Variants in ARL15 observed in about 807,000 individuals in gnomAD.
ARL15 encodes the protein ADP-ribosylation factor-like protein 15.
ARL15 carries 19 observed loss-of-function variants against 25.2 expected under a neutral mutation model. That is an observed-to-expected ratio of 0.75 (90% CI 0.53 to 1.10). The LOEUF is 1.10. ARL15 is among the 50% of genes least tolerant of loss of function. ARL15 has a pLI of 0.00. For missense variants in ARL15, 220 were observed against 246.0 expected (o/e 0.89, Z 0.71); for synonymous variants, 94 against 86.8 (o/e 1.08, Z -0.46).
intron 1 of ARL15, among the ~76,000 whole-genome samples, chr5:54,300,857 G>A (rs770288046): frequency 2.0e-5 from 3 of 152,068 alleles, no homozygotes; most frequent in Admixed American, 6.6e-5. Context: ...GTCATTGCAG[G>A]CAAACTTTCA....
At chr5:53,969,342 T>C (rs1401486998) in intron 4 of ARL15, among the ~76,000 whole-genome samples, 2 of 152,184 alleles carry the variant, frequency 1.3e-5, no homozygotes, top group Admixed American at 6.5e-5. Flanking sequence ...GGCCAAATAG[T>C]ATCATACTTT....
intron 3 of ARL15, among the ~76,000 whole-genome samples, chr5:54,143,448 T>C (rs1753823093): frequency 6.6e-6 from 1 of 152,024 alleles, no homozygotes; most frequent in South Asian, 2.1e-4. Context: ...TTCCTATATA[T>C]ATTTTTACCT....
At chr5:54,005,143 C>A (rs897956520) in intron 4 of ARL15, among the ~76,000 whole-genome samples, 1 of 152,126 alleles carries the variant, frequency 6.6e-6, no homozygotes, top group Non-Finnish European at 1.5e-5. Context: ...TGAGCCACCA[C>A]GCCCAGCCCG....
intron 1 of ARL15, among the ~76,000 whole-genome samples, chr5:54,277,032 C>G (rs533431371): frequency 1.2e-4 from 19 of 152,314 alleles, no homozygotes; most frequent in Middle Eastern, 3.4e-3. Flanking sequence ...TAATTTGTTA[C>G]AGCATCCATA....
At chr5:54,173,278 A>C (rs277341) in intron 1 of ARL15, among the ~76,000 whole-genome samples, 93,954 of 151,678 alleles carry the variant, frequency 0.62, 29,962 homozygotes, top group East Asian at 0.99. Context: ...TGATCTTTCT[A>C]CTTATCCCAT....
At chr5:53,956,147 C>T (rs1392113359) in intron 4 of ARL15, among the ~76,000 whole-genome samples, 1 of 152,032 alleles carries the variant, frequency 6.6e-6, no homozygotes, top group Non-Finnish European at 1.5e-5. Flanking sequence ...CTCTCTCTTG[C>T]TTGTGGCTCC....
chr5:54,253,682 C>T (rs533784400), intron 1 of ARL15, among the ~76,000 whole-genome samples: 8 of 152,118 alleles, frequency 5.3e-5, no homozygotes, highest in Non-Finnish European at 7.4e-5. Context: ...GCATCGACCT[C>T]GGAGCTCAGG....
In ARL15 at chr5:53,997,505, T is replaced by C. The variant is rs538790707; in HGVS notation, c.463-110792A>G. Among the ~76,000 whole-genome samples the C allele has an allele frequency of 1.1e-3, 175 of 152,318 alleles. 1 individual carries two copies. The highest frequency in any genetic ancestry group is 6.8e-3 in the Middle Eastern group (2 of 294). On this transcript the variant is annotated intron_variant, in intron 4 of 4. Coordinates refer to ENST00000504924, the MANE Select transcript of ARL15 (RefSeq NM_019087.3). ...CTCTCCCTAAATCCTCATCACCTGA[T>C]AATTTTCAATAATGATCCAAATGGC...
At chr5:53,937,141 C>T (rs576894644) in intron 4 of ARL15, among the ~76,000 whole-genome samples, 2 of 152,252 alleles carry the variant, frequency 1.3e-5, no homozygotes, top group South Asian at 2.1e-4. Context: ...CCCGGAGGCT[C>T]GGTGTCAATG....
intron 1 of ARL15, among the ~76,000 whole-genome samples, chr5:54,240,654 A>G (rs975750956): frequency 8.5e-5 from 13 of 152,142 alleles, no homozygotes; most frequent in Middle Eastern, 3.2e-3. Context: ...CACTCAAAAA[A>G]CTGGGTGAAC....
At position 53,952,716 on chromosome 5, in the gene ARL15, ACT is replaced by A. The variant is rs374110169; in HGVS notation, c.463-66005_463-66004del. ...ATTTTTAAACTTTAAGAAAGATGAA[ACT>A]CTGTTATTGTGCCAATGACTTTTTA... is the stretch of plus-strand genomic sequence containing the variant. On this transcript the variant is annotated intron_variant, in intron 4 of 4. Transcript: ENST00000504924. 5.8e-3 allele frequency among the ~76,000 whole-genome samples: 881 copies of A among 152,208 alleles called. 8 individuals are homozygous for A. Among genetic ancestry groups the A allele is most frequent in the African/African-American group, 0.02 (840 of 41,518 alleles).
intron 3 of ARL15, among the ~76,000 whole-genome samples, chr5:54,145,508 T>C (rs1753878132): frequency 6.6e-6 from 1 of 152,168 alleles, no homozygotes; most frequent in African/African-American, 2.4e-5. Context: ...TGCCATTCCA[T>C]TTATGGGAAT....
intron 2 of ARL15, among the ~76,000 whole-genome samples, chr5:54,163,355 G>GTTGTTTTTTTTTT (rs1754465268): frequency 1.9e-5 from 1 of 51,342 alleles, no homozygotes; most frequent in Non-Finnish European, 3.5e-5. Context: ...TTGGTATGAA[G>GTTGTTTTTTTTTT]CTTTTTTTTT....
At chr5:54,246,794 G>GCA (rs1452411131) in intron 1 of ARL15, among the ~76,000 whole-genome samples, 6 of 97,474 alleles carry the variant, frequency 6.2e-5, no homozygotes, top group African/African-American at 2.2e-4. Flanking sequence ...TACAAAGCAT[G>GCA]CATACACACA....
chr5:54,016,813 T>C (rs962528918), intron 4 of ARL15, among the ~76,000 whole-genome samples: 2 of 152,238 alleles, frequency 1.3e-5, no homozygotes, highest in Non-Finnish European at 2.9e-5. Flanking sequence ...TCAAATGCCT[T>C]ATAATACCTT....
chr5:54,298,991 C>T (rs1758543439), intron 1 of ARL15, among the ~76,000 whole-genome samples: 1 of 151,942 alleles, frequency 6.6e-6, no homozygotes, highest in South Asian at 2.1e-4. Flanking sequence ...GCAGACTCAA[C>T]ATCCCAGGCT....
At chr5:54,130,547 G>C (rs1172483738) in intron 3 of ARL15, among the ~76,000 whole-genome samples, 1 of 152,154 alleles carries the variant, frequency 6.6e-6, no homozygotes, top group African/African-American at 2.4e-5. Context: ...CTAATTCCCT[G>C]AAAGTGTTAT....
chr5:53,912,826 G>C (rs1057267111), intron 4 of ARL15, among the ~76,000 whole-genome samples: 2 of 152,190 alleles, frequency 1.3e-5, no homozygotes, highest in African/African-American at 4.8e-5. Context: ...CTCTTCTAGA[G>C]ACTAAAGATA....
intron 1 of ARL15, among the ~76,000 whole-genome samples, chr5:54,189,992 G>T (rs888610958): frequency 6.6e-6 from 1 of 152,028 alleles, no homozygotes; most frequent in African/African-American, 2.4e-5. Flanking sequence ...TTCAAAAATG[G>T]ACAAAGAATT....
Sources: allele counts gnomAD v4.1 joint callset (sites outside exome capture counted in the v4.1 genomes callset), GRCh38; gene constraint gnomAD v4.1.1; transcripts MANE v1.5; gene names NCBI Gene and HGNC (gene_info 2026-07-23, HGNC 2026-07-21).